Variants in SLC35D4 observed in about 807,000 individuals in gnomAD.
The protein encoded by SLC35D4 is solute carrier family 35 member D4.
the SLC35D4 span, chr18:23,257,132 C>G: frequency 7.2e-7 from 1 of 1,381,144 alleles, no homozygotes; most frequent in Non-Finnish European, 1.0e-6. Flanking sequence ...TTCTCCTGAG[C>G]ACTCACTGGC....
the SLC35D4 span, among the ~76,000 whole-genome samples, chr18:23,250,343 G>T: frequency 6.6e-6 from 1 of 152,144 alleles, no homozygotes; most frequent in African/African-American, 2.4e-5. Flanking sequence ...GCCTGGATTG[G>T]GGGGTGAGGG....
chr18:23,298,056 C>A, the SLC35D4 span: 2 of 1,613,900 alleles, frequency 1.2e-6, no homozygotes, highest in Non-Finnish European at 1.7e-6. Flanking sequence ...TCCAAGCGCA[C>A]CGAGCAGGAG....
the SLC35D4 span, among the ~76,000 whole-genome samples, chr18:23,244,104 A>G: frequency 6.6e-6 from 1 of 152,142 alleles, no homozygotes; most frequent in Non-Finnish European, 1.5e-5. Flanking sequence ...CTCATTCTCT[A>G]CTGCCACTGT....
At chr18:23,321,615 C>T in the SLC35D4 span, among the ~76,000 whole-genome samples, 25 of 152,244 alleles carry the variant, frequency 1.6e-4, no homozygotes, top group East Asian at 3.7e-3. Flanking sequence ...CCACCACACC[C>T]AGCTAATTTT....
At chr18:23,351,507 T>C in the SLC35D4 span, among the ~76,000 whole-genome samples, 1 of 152,192 alleles carries the variant, frequency 6.6e-6, no homozygotes, top group African/African-American at 2.4e-5. Context: ...TTGAGGTTTT[T>C]TTTCTGGAGA....
the SLC35D4 span, among the ~76,000 whole-genome samples, chr18:23,371,935 G>GTTTTTTTGTTTTTTTTTTTT: frequency 2.8e-5 from 1 of 35,480 alleles, no homozygotes; most frequent in African/African-American, 1.2e-4. Flanking sequence ...TGTTTTTTTT[G>GTTTTTTTGTTTTTTTTTTTT]TTTTTTTTTT....
chr18:23,334,264 T>G, the SLC35D4 span, among the ~76,000 whole-genome samples: 3 of 151,976 alleles, frequency 2.0e-5, no homozygotes, highest in African/African-American at 7.3e-5. Flanking sequence ...AGGAAAGAAA[T>G]AAGACAGAAT....
the SLC35D4 span, chr18:23,309,715 C>T: frequency 6.2e-7 from 1 of 1,614,182 alleles, no homozygotes; most frequent in Non-Finnish European, 8.5e-7. Context: ...TCGCATCAAA[C>T]AGCAATATTG....
the SLC35D4 span, among the ~76,000 whole-genome samples, chr18:23,359,383 C>CAAAA: frequency 2.2e-5 from 2 of 92,796 alleles, no homozygotes; most frequent in East Asian, 2.9e-4. Context: ...GACTCCATCT[C>CAAAA]AAAAAAAAAA....
the SLC35D4 span, chr18:23,421,277 T>C: frequency 9.5e-7 from 1 of 1,050,968 alleles, no homozygotes; most frequent in South Asian, 1.4e-5. Flanking sequence ...TAAACCTCTG[T>C]GCTTCCAGTG....
chr18:23,274,192 T>A, the SLC35D4 span, among the ~76,000 whole-genome samples: 26 of 152,328 alleles, frequency 1.7e-4, no homozygotes, highest in East Asian at 4.0e-3. Flanking sequence ...TGCTTCAGCC[T>A]CCTGAAGTGC....
chr18:23,245,438 G>A, the SLC35D4 span, among the ~76,000 whole-genome samples: 1 of 151,572 alleles, frequency 6.6e-6, no homozygotes, highest in African/African-American at 2.4e-5. Context: ...TTGAACCCGG[G>A]AGGCGGAAGT....
the SLC35D4 span, among the ~76,000 whole-genome samples, chr18:23,372,874 G>T: frequency 6.6e-6 from 1 of 151,954 alleles, no homozygotes; most frequent in African/African-American, 2.4e-5. Context: ...GACACGTGGT[G>T]GGGACCTAAT....
chr18:23,253,122 A>G, the SLC35D4 span: 9 of 959,188 alleles, frequency 9.4e-6, no homozygotes, highest in Admixed American at 3.5e-5. Context: ...CTTTCCACAC[A>G]CCGTAAGCTT....
At chr18:23,377,370 T>C in the SLC35D4 span, among the ~76,000 whole-genome samples, 1 of 152,236 alleles carries the variant, frequency 6.6e-6, no homozygotes, top group Non-Finnish European at 1.5e-5. Context: ...TCATTCTCCA[T>C]CAGTATTACA....
chr18:23,372,090 T>C, the SLC35D4 span, among the ~76,000 whole-genome samples: 1 of 147,812 alleles, frequency 6.8e-6, no homozygotes, highest in Admixed American at 6.8e-5. Flanking sequence ...CGCCCGCCAC[T>C]ACGCCCGGCT....
chr18:23,419,067 G>A, the SLC35D4 span, among the ~76,000 whole-genome samples: 1 of 152,036 alleles, frequency 6.6e-6, no homozygotes, highest in Non-Finnish European at 1.5e-5. Context: ...GAGAAACTGG[G>A]CAGAGTCATC....
the SLC35D4 span, among the ~76,000 whole-genome samples, chr18:23,257,003 A>G: frequency 2.4e-3 from 372 of 152,296 alleles, 3 homozygotes; most frequent in African/African-American, 8.3e-3. Context: ...CATAAGATGT[A>G]TGTGTGGTTC....
the SLC35D4 span, among the ~76,000 whole-genome samples, chr18:23,320,046 AAT>A: frequency 2.2e-5 from 3 of 138,120 alleles, no homozygotes; most frequent in East Asian, 6.1e-4. Context: ...GATGGCAGTG[AAT>A]AGTTTTACAA....
Sources: gnomAD v4.1 joint callset for allele counts (sites outside exome capture counted in the v4.1 genomes callset) on GRCh38, gnomAD v4.1.1 for gene constraint, MANE v1.5 for transcripts, NCBI Gene and HGNC (gene_info 2026-07-23, HGNC 2026-07-21) for gene names.